Variants in TM9SF4 observed in about 807,000 individuals in gnomAD.
TM9SF4 encodes dinucleotide oxidase disulfide thiol exchanger 3 superfamily member 4.
Under a neutral mutation model 90.4 loss-of-function variants are expected in TM9SF4, and 26 were observed. The ratio of observed to expected loss-of-function variants is 0.29; its 90% confidence interval spans 0.21 to 0.40. The LOEUF is 0.40. Ranked by LOEUF, TM9SF4 falls within the 10% of genes least tolerant of loss-of-function variation. The pLI is 1.00. For synonymous variants in TM9SF4, 293 were observed against 315.4 expected (o/e 0.93, Z 0.75); for missense variants, 549 against 834.8 (o/e 0.66, Z 4.22).
In TM9SF4 at chr20:32,151,348, G is replaced by A. The variant is rs566227471; in HGVS notation, c.1245+473G>A. 2.0e-5 allele frequency among the ~76,000 whole-genome samples: 3 copies of A among 152,260 alleles called. No homozygotes were observed. In the East Asian group the frequency reaches 5.8e-4, roughly 29 times the overall value. ...CCCTTCTCTGGCCTCCTGGAGGTAA[G>A]GAGAGTTCTTGGCAGCAGAAAAGCG... On this transcript the variant is annotated intron_variant, in intron 12 of 17. Coordinates refer to ENST00000398022, the MANE Select transcript of TM9SF4 (RefSeq NM_014742.4).
At chr20:32,120,827 G>A (rs2046295466) in intron 1 of TM9SF4, among the ~76,000 whole-genome samples, 1 of 152,110 alleles carries the variant, frequency 6.6e-6, no homozygotes, top group African/African-American at 2.4e-5. Flanking sequence ...GTCCTAAATT[G>A]TTGAGAGTTT....
chr20:32,139,199 C>T (rs984737922), intron 3 of TM9SF4, among the ~76,000 whole-genome samples: 1 of 152,094 alleles, frequency 6.6e-6, no homozygotes. Flanking sequence ...AGCTCGCGGC[C>T]CTGCCATTTA....
At chr20:32,127,227 C>G (rs1200103272) in intron 1 of TM9SF4, among the ~76,000 whole-genome samples, 2 of 152,192 alleles carry the variant, frequency 1.3e-5, no homozygotes, top group Admixed American at 1.3e-4. Context: ...ATGGACAGAA[C>G]CTAGAATTGT....
intron 1 of TM9SF4, among the ~76,000 whole-genome samples, chr20:32,118,011 A>G (rs2046251994): frequency 2.0e-5 from 3 of 152,238 alleles, no homozygotes; most frequent in Admixed American, 2.0e-4. Flanking sequence ...GAATTTCCTA[A>G]GAAGCAGGTA....
chr20:32,115,123 A>G (rs1360089678), intron 1 of TM9SF4, among the ~76,000 whole-genome samples: 2 of 152,158 alleles, frequency 1.3e-5, no homozygotes, highest in Non-Finnish European at 2.9e-5. Context: ...CATGTTCTGC[A>G]GGAGCTACTG....
In TM9SF4 at chr20:32,154,947, A is replaced by G. The variant is rs559057313; in HGVS notation, c.1246-156A>G. Among the ~76,000 whole-genome samples, 36 of 152,332 alleles carry G rather than the reference A, an allele frequency of 2.4e-4. 1 individual carries two copies. In the South Asian group the frequency reaches 7.2e-3, roughly 31 times the overall value. On this transcript the variant is annotated intron_variant, in intron 12 of 17. Transcript: ENST00000398022. ...GAGGGCATAGAACAGAGTCCTGCTC[A>G]GTCTGAGGGTCAGGGAATACTTTCT...
Position 32,145,427 on chromosome 20 carries a change from A to G in TM9SF4, c.883+4A>G. ...GTTGTGGTCTTCTTCCTGTCAGGTGAGAGATCTGTGGGTTGAGGGAAAGGG... is the reference window on the plus strand; with the variant it reads ...GTTGTGGTCTTCTTCCTGTCAGGTGGGAGATCTGTGGGTTGAGGGAAAGGG... On this transcript the variant is annotated splice_donor_region_variant and intron_variant, in intron 8 of 17. Coordinates refer to ENST00000398022, the MANE Select transcript of TM9SF4 (RefSeq NM_014742.4). 6.2e-7 allele frequency: 1 copy of G among 1,612,786 alleles called. No homozygotes were observed.
At chr20:32,159,924 A>G in intron 15 of TM9SF4, 68 bp from the exon 16 acceptor site, 1 of 1,605,242 alleles carries the variant, frequency 6.2e-7, no homozygotes, top group African/African-American at 1.3e-5. Flanking sequence ...CCCTTGTGAC[A>G]GGTTGGTGTG....
At chr20:32,113,231 C>T (rs549977504) in intron 1 of TM9SF4, among the ~76,000 whole-genome samples, 35 of 152,196 alleles carry the variant, frequency 2.3e-4, no homozygotes, top group African/African-American at 7.5e-4. Context: ...TGAGCTTTTC[C>T]CTTTCTCTCT....
At chr20:32,123,583 T>C (rs963974054) in intron 1 of TM9SF4, among the ~76,000 whole-genome samples, 2 of 151,546 alleles carry the variant, frequency 1.3e-5, no homozygotes, top group East Asian at 1.9e-4. Flanking sequence ...TGGTCAAGTA[T>C]GTTAAATGTT....
intron 1 of TM9SF4, among the ~76,000 whole-genome samples, chr20:32,113,740 C>T (rs1296312722): frequency 6.6e-6 from 1 of 152,134 alleles, no homozygotes; most frequent in African/African-American, 2.4e-5. Flanking sequence ...ATAGGTTGTG[C>T]ATACACTAAA....
At chr20:32,121,836 A>C (rs1240672888) in intron 1 of TM9SF4, among the ~76,000 whole-genome samples, 125 of 94,178 alleles carry the variant, frequency 1.3e-3, no homozygotes, top group South Asian at 1.6e-3. Flanking sequence ...GGGGGGCTGA[A>C]CCCCCCACCT....
At chr20:32,159,095 A>G (rs2046975845) in intron 15 of TM9SF4, 2 of 152,622 alleles carry the variant, frequency 1.3e-5, no homozygotes, top group Non-Finnish European at 2.9e-5. Context: ...ATTCCCCACC[A>G]TGACTAATAG....
intron 1 of TM9SF4, 40 bp from the exon 2 acceptor site, chr20:32,132,973 T>G: frequency 6.3e-7 from 1 of 1,584,952 alleles, no homozygotes; most frequent in South Asian, 1.1e-5. Flanking sequence ...TCTTCTTCAC[T>G]TCTTCTCCCC....
chr20:32,123,256 G>C (rs1331461248), intron 1 of TM9SF4, among the ~76,000 whole-genome samples: 1 of 122,180 alleles, frequency 8.2e-6, no homozygotes, highest in East Asian at 2.6e-4. Context: ...TTTTTTCTAC[G>C]TAATAGCTTA....
intron 6 of TM9SF4, 60 bp downstream of exon 6, chr20:32,143,165 G>T: frequency 6.3e-7 from 1 of 1,590,750 alleles, no homozygotes; most frequent in Non-Finnish European, 8.6e-7. Context: ...TCTCCACGCA[G>T]GGTCTTCGCA....
At chr20:32,115,219 C>T (rs1600770876) in intron 1 of TM9SF4, among the ~76,000 whole-genome samples, 1 of 152,284 alleles carries the variant, frequency 6.6e-6, no homozygotes, top group South Asian at 2.1e-4. Flanking sequence ...CCTTAATCCC[C>T]CTCAGGAAGT....
chr20:32,150,956 C>T, intron 12 of TM9SF4, 81 bp downstream of exon 12: 1 of 1,541,824 alleles, frequency 6.5e-7, no homozygotes, highest in Non-Finnish European at 8.8e-7. Context: ...GTAGGCAGGT[C>T]CTGGTGGGGA....
chr20:32,131,182 A>G (rs996052524), intron 1 of TM9SF4, among the ~76,000 whole-genome samples: 1 of 152,168 alleles, frequency 6.6e-6, no homozygotes, highest in Non-Finnish European at 1.5e-5. Context: ...TGTCTTAGCC[A>G]TGGCACTGTG....
Sources: gnomAD v4.1 joint callset for allele counts (sites outside exome capture counted in the v4.1 genomes callset) on GRCh38, gnomAD v4.1.1 for gene constraint, MANE v1.5 for transcripts, NCBI Gene and HGNC (gene_info 2026-07-23, HGNC 2026-07-21) for gene names.